Variants in SEMA3B observed in about 807,000 individuals in gnomAD.
SEMA3B encodes semaphorin-3B.
A neutral mutation model predicts 77.8 loss-of-function variants in SEMA3B; 71 were observed. The observed-to-expected ratio is 0.91, with a 90% CI of 0.75 to 1.11. The LOEUF (loss-of-function observed/expected upper bound fraction) is 1.11. Ranked by LOEUF, SEMA3B falls within the 50% of genes most tolerant of loss-of-function variation. The probability of loss-of-function intolerance (pLI) is 0.00; values close to 1 mark genes in which losing one functional copy is unlikely to be tolerated. For missense variants in SEMA3B, 968 were observed against 1,056.8 expected (o/e 0.92, Z 1.17); for synonymous variants, 470 against 452.9 (o/e 1.04, Z -0.48).
Position 50,275,713 on chromosome 3 carries a change from C to G in SEMA3B, c.1714C>G (p.Arg572Gly), listed in dbSNP as rs1309910776. The change falls in exon 16 of 17, where the codon CGT (arginine) becomes GGT (glycine). Residue 572 changes from arginine to glycine, a missense_variant. Coordinates refer to ENST00000616701, the MANE Select transcript of SEMA3B (RefSeq NM_001290060.2). This position sits in a 1 kb window ranked among gnomAD's most constrained non-coding sequence, Gnocchi z 7.5. ...PSTLCSGDSS[R>G]PALLEHKVFG... The stretch of plus-strand genomic sequence containing the variant: ...TTTCTTCTCGCCCCAAGACTCGTCT[C>G]GTCCCGCGCTGCTGGAACACAAGGT... 1 of 1,612,446 alleles carries G rather than the reference C, an allele frequency of 6.2e-7. No homozygotes were observed. The highest frequency in any genetic ancestry group is 8.5e-7 in the Non-Finnish European group (1 of 1,178,962).
Position 50,276,480 on chromosome 3 carries a change from AG to A in SEMA3B, c.2026del (p.Glu676ArgfsTer210). ...ATQAERLARA[E>X]EAAPAAPPGP... ...CAGGCCGAACGACTGGCGCGGGCCG[AG>A]GAGGCTGCGCCCGCCGCGCCGCCGG... is the stretch of plus-strand genomic sequence containing the variant. On this transcript the variant is annotated frameshift_variant, in exon 17 of 17. Transcript: ENST00000616701. LOFTEE classifies it low-confidence loss of function (END_TRUNC). The surrounding 1 kb of genome is among the most constrained non-coding windows in gnomAD (Gnocchi z 5.8). 3 of 1,531,104 alleles carry A rather than the reference AG, an allele frequency of 2.0e-6. No individual in the cohort carries two copies. The South Asian group carries it at 3.6e-5, about 18-fold the overall frequency. 94.8% of individuals were successfully genotyped at this position (1,531,104 alleles called of 1,614,324 possible).
At position 50,275,868 on chromosome 3, in the gene SEMA3B, G is replaced by C. The variant is rs587774752; in HGVS notation, c.1845+24G>C. ...AGGTGAGCCTTACTCCGCCCTCCCC[G>C]CCAGGCTCCTGTCCCACCCCCTGCA... On this transcript the variant is annotated intron_variant, in intron 16 of 16. Transcript: ENST00000616701. This position sits in a 1 kb window ranked among gnomAD's most constrained non-coding sequence, Gnocchi z 7.5. The C allele has an allele frequency of 5.3e-5, 82 of 1,559,030 alleles. No individual in the cohort carries two copies. Among genetic ancestry groups the C allele is most frequent in the Non-Finnish European group, 7.0e-5 (81 of 1,157,178 alleles).
At chr3:50,271,325 C>T (rs2109239105) in intron 5 of SEMA3B, 36 bp from the exon 6 acceptor site, 1 of 1,554,954 alleles carries the variant, frequency 6.4e-7, no homozygotes, top group Non-Finnish European at 8.7e-7. Context: ...CCCAAGAGCC[C>T]TCCATTTGCC....
Position 50,269,270 on chromosome 3 carries a change from C to T in SEMA3B, c.30C>T (p.Ile10=). The change falls in exon 1 of 17, where the codon ATC becomes ATT. Residue 10 remains isoleucine (I), a synonymous_variant. Transcript: ENST00000616701. The surrounding 1 kb of genome is among the most constrained non-coding windows in gnomAD (Gnocchi z 4.0). The part of the protein sequence containing the change: MGRAGAAAV[I]PGLALLWAVG... Reference sequence around the variant, plus strand: ...GGCGGGCCGGGGCTGCCGCCGTGATCCCGGGCCTGGCCCTGCTCTGGGCAG... The same window carrying T: ...GGCGGGCCGGGGCTGCCGCCGTGATTCCGGGCCTGGCCCTGCTCTGGGCAG... The T allele has an allele frequency of 6.5e-7, 1 of 1,537,970 alleles. No individual in the cohort carries two copies.
Position 50,270,435 on chromosome 3 carries a change from G to A in SEMA3B, c.270G>A (p.Leu90=), listed in dbSNP as rs372432819. Residue 90 remains leucine, a splice_region_variant and synonymous_variant, in exon 3 of 17, where the codon CTG becomes CTA. Coordinates refer to ENST00000616701, the MANE Select transcript of SEMA3B (RefSeq NM_001290060.2). This position sits in a 1 kb window ranked among gnomAD's most constrained non-coding sequence, Gnocchi z 4.7. ...LDNISKRAKK[L]AWPAPVEWRE... is the part of the protein sequence containing the mutation. ...CCTCTCCCCCAACCTCCCGATAGCT[G>A]GCCTGGCCGGCCCCTGTGGAATGGC... The A allele has an allele frequency of 2.5e-6, 4 of 1,613,760 alleles. No individual in the cohort carries two copies. In the South Asian group the frequency reaches 3.3e-5, roughly 13 times the overall value.
rs149189946 is a variant in SEMA3B, at chr3:50,276,893, A to T, written c.*187A>T. 6.2e-4 allele frequency: 410 copies of T among 657,168 alleles called. No individual in the cohort carries two copies. The highest frequency in any genetic ancestry group is 6.1e-3 in the African/African-American group (317 of 51,934). 40.7% of individuals were successfully genotyped at this position (657,168 alleles called of 1,614,324 possible). On this transcript the variant is annotated 3_prime_UTR_variant, in exon 17 of 17. Coordinates refer to ENST00000616701, the MANE Select transcript of SEMA3B (RefSeq NM_001290060.2). The surrounding 1 kb of genome is among the most constrained non-coding windows in gnomAD (Gnocchi z 5.8). Reference sequence around the variant, plus strand: ...TATTTATTAACAGGATAACCCTTGAATGTAGCAGCCCCGGGAGGGCGGCAC... The same window carrying T: ...TATTTATTAACAGGATAACCCTTGATTGTAGCAGCCCCGGGAGGGCGGCAC...
At position 50,273,441 on chromosome 3, in the gene SEMA3B, C is replaced by T. The variant is rs1156936023; in HGVS notation, c.808C>T (p.Arg270Trp). ...LSVSRVGQIC[R>W]NDVGGQRSLV... ...CGTGTCCCGCGTTGGCCAGATCTGC[C>T]GGGTGAGGAGTCCCTGGGCCACACC... The change falls in exon 7 of 17, where the codon CGG becomes TGG. Residue 270 changes from arginine (R) to tryptophan (W), a missense_variant and splice_region_variant. By Grantham distance (101) the Arg-to-Trp change is moderately radical. Transcript: ENST00000616701. The surrounding 1 kb of genome is among the most constrained non-coding windows in gnomAD (Gnocchi z 6.5). 3 of 1,613,164 alleles carry T rather than the reference C, an allele frequency of 1.9e-6. No individual in the cohort carries two copies. The South Asian group carries it at 3.3e-5, about 18-fold the overall frequency.
chr3:50,271,204 C>T, intron 5 of SEMA3B, 23 bp downstream of exon 5: 1 of 1,555,326 alleles, frequency 6.4e-7, no homozygotes, highest in Non-Finnish European at 8.7e-7. Context: ...GCTAAGGCCC[C>T]AAGAGAACCC....
rs1553705367 is a variant in SEMA3B at position 50,271,376 on chromosome 3, C to G, written c.560C>G (p.Ser187Ter). 6.3e-7 allele frequency: 1 copy of G among 1,582,888 alleles called. No homozygotes were observed. The highest frequency in any genetic ancestry group is 8.6e-7 in the Non-Finnish European group (1 of 1,164,564). ...CTGTCTGCAGGGGAGGAGCTATACT[C>G]AGGGGTGGCAGCAGACCTCATGGGA... Reference protein sequence around the residue: ...ASVLVGEELYSGVAADLMGRD... With the variant: ...ASVLVGEELY Residue 187 changes from serine (S) to a stop codon, truncating the protein, a stop_gained, in exon 6 of 17, where the codon TCA becomes TGA. Transcript: ENST00000616701. LOFTEE classifies it high-confidence loss of function.
rs1051921821 is a variant in SEMA3B, at chr3:50,270,870, C to G, written c.331-20C>G. On this transcript the variant is annotated intron_variant, in intron 3 of 16. Coordinates refer to ENST00000616701, the MANE Select transcript of SEMA3B (RefSeq NM_001290060.2). The surrounding 1 kb of genome is among the most constrained non-coding windows in gnomAD (Gnocchi z 4.7). ...AAGGCTACGTCCCTGGGGGAAGCCT[C>G]ACACCTCCAACCCTACTAGACTGAG... The G allele has an allele frequency of 3.2e-6, 5 of 1,582,800 alleles. No homozygotes were observed. Among genetic ancestry groups the G allele is most frequent in the Non-Finnish European group, 4.3e-6 (5 of 1,164,116 alleles).
rs782327013 is a variant in SEMA3B, at chr3:50,270,859, G to T, written c.331-31G>T. On this transcript the variant is annotated intron_variant, in intron 3 of 16. Transcript: ENST00000616701. The surrounding 1 kb of genome is among the most constrained non-coding windows in gnomAD (Gnocchi z 4.7). ...TGGGACCTCTTAAGGCTACGTCCCT[G>T]GGGGAAGCCTCACACCTCCAACCCT... 1 of 1,571,786 alleles carries T rather than the reference G, an allele frequency of 6.4e-7. No homozygotes were observed. The highest frequency in any genetic ancestry group is 1.2e-5 in the South Asian group (1 of 85,686).
intron 6 of SEMA3B, chr3:50,272,976 T>C: frequency 3.4e-6 from 1 of 295,030 alleles, no homozygotes; most frequent in South Asian, 4.2e-5. Context: ...TGAAACCAGA[T>C]TACCTCATCT....
Position 50,274,838 on chromosome 3 carries a change from T to G in SEMA3B, c.1358-5T>G, listed in dbSNP as rs880002270. 6.2e-7 allele frequency: 1 copy of G among 1,610,418 alleles called. No homozygotes were observed. Among genetic ancestry groups the G allele is most frequent in the Non-Finnish European group, 8.5e-7 (1 of 1,179,604 alleles). On this transcript the variant is annotated splice_polypyrimidine_tract_variant and splice_region_variant and intron_variant, in intron 11 of 16. Transcript: ENST00000616701. This position sits in a 1 kb window ranked among gnomAD's most constrained non-coding sequence, Gnocchi z 4.7. ...AATGGTCATTACCCCTTCTCATCCCTGCAGACGTTGGCACGGTGCTGAAGG... is the reference window on the plus strand; with the variant it reads ...AATGGTCATTACCCCTTCTCATCCCGGCAGACGTTGGCACGGTGCTGAAGG...
At position 50,277,316 on chromosome 3, in the gene SEMA3B, G is replaced by GC. The variant is rs1701290851; in HGVS notation, c.*613dup. The stretch of plus-strand genomic sequence containing the variant: ...GCCTGTAATCCCAACACTTTCGGAG[G>GC]CCCAGGCGGACGGATCACGAGGTCA... On this transcript the variant is annotated 3_prime_UTR_variant, in exon 17 of 17. Transcript: ENST00000616701. The GC allele has an allele frequency of 6.6e-6, 1 of 152,036 alleles. No homozygotes were observed. Among genetic ancestry groups the GC allele is most frequent in the South Asian group, 2.1e-4 (1 of 4,832 alleles). 9.4% of individuals were successfully genotyped at this position (152,036 alleles called of 1,614,324 possible).
chr3:50,275,592 AC>A lies in SEMA3B; in HGVS notation c.1686del (p.Ser563AlafsTer48), dbSNP rs1271914540. The A allele has an allele frequency of 1.2e-6, 2 of 1,613,338 alleles. No individual in the cohort carries two copies. Among genetic ancestry groups the A allele is most frequent in the Non-Finnish European group, 1.7e-6 (2 of 1,179,822 alleles). On this transcript the variant is annotated frameshift_variant, in exon 15 of 17. Coordinates refer to ENST00000616701, the MANE Select transcript of SEMA3B (RefSeq NM_001290060.2). LOFTEE classifies it high-confidence loss of function. This position sits in a 1 kb window ranked among gnomAD's most constrained non-coding sequence, Gnocchi z 7.5. Reference protein sequence around the residue: ...RFRRQDVRNGDPSTLCSGDSS... With the variant: ...RFRRQDVRNGXPSTLCSGDSS... ...CGGCGGCAAGACGTAAGGAATGGCGACCCCAGCACGTTGTGCTCCGGAGGTG... is the reference window on the plus strand; with the variant it reads ...CGGCGGCAAGACGTAAGGAATGGCGACCCAGCACGTTGTGCTCCGGAGGTG...
At position 50,273,958 on chromosome 3, in the gene SEMA3B, C is replaced by T. The variant is rs2109245220; in HGVS notation, c.1038C>T (p.Asp346=). The part of the protein sequence containing the change: ...GSAVCVYSMN[D]VRRAFLGPFA... ...CGGTGTGCGTGTACAGCATGAACGA[C>T]GTGCGCCGGGCCTTCTTGGGACCCT... The change falls in exon 10 of 17, where the codon GAC becomes GAT. Residue 346 remains aspartate, a synonymous_variant. Transcript: ENST00000616701. The surrounding 1 kb of genome is among the most constrained non-coding windows in gnomAD (Gnocchi z 6.5). The T allele has an allele frequency of 6.2e-7, 1 of 1,613,614 alleles. No individual in the cohort carries two copies. Among genetic ancestry groups the T allele is most frequent in the Non-Finnish European group, 8.5e-7 (1 of 1,179,634 alleles).
rs1399865955 is a variant in SEMA3B, at chr3:50,276,370, C to T, written c.1914C>T (p.Asp638=). ...TGCTGCGCAGGCTGCGGCGCCGGGA[C>T]TCGGGCGTGTACTTGTGCGCCGCCG... ...GLLLRRLRRR[D]SGVYLCAAVE... The change falls in exon 17 of 17, where the codon GAC becomes GAT. Residue 638 remains aspartate (D), a synonymous_variant. Transcript: ENST00000616701. The surrounding 1 kb of genome is among the most constrained non-coding windows in gnomAD (Gnocchi z 5.8). 3.3e-6 allele frequency: 5 copies of T among 1,535,078 alleles called. No homozygotes were observed. The highest frequency in any genetic ancestry group is 2.0e-5 in the Admixed American group (1 of 50,846).
Position 50,275,043 on chromosome 3 carries a change from C to T in SEMA3B, c.1481C>T (p.Ser494Phe), listed in dbSNP as rs1701186103. Residue 494 changes from serine (S) to phenylalanine (F), a missense_variant, in exon 13 of 17, where the codon TCT becomes TTT. Coordinates refer to ENST00000616701, the MANE Select transcript of SEMA3B (RefSeq NM_001290060.2). This position sits in a 1 kb window ranked among gnomAD's most constrained non-coding sequence, Gnocchi z 7.5. Reference sequence around the variant, plus strand: ...GCCGCTGTCACCAGCATGCAAATTTCTTCCAAGAGGGTGAGTGACCAGGAT... The same window carrying T: ...GCCGCTGTCACCAGCATGCAAATTTTTTCCAAGAGGGTGAGTGACCAGGAT... ...DSAAVTSMQI[S>F]SKRHQLYVAS... is the part of the protein sequence containing the mutation. 4 of 1,581,334 alleles carry T rather than the reference C, an allele frequency of 2.5e-6. No homozygotes were observed. The highest frequency in any genetic ancestry group is 3.4e-6 in the Non-Finnish European group (4 of 1,159,476).
At position 50,270,097 on chromosome 3, in the gene SEMA3B, G is replaced by T. The variant is rs957744850; in HGVS notation, c.110-30G>T. 7 of 1,503,808 alleles carry T rather than the reference G, an allele frequency of 4.7e-6. No individual in the cohort carries two copies. Among genetic ancestry groups the T allele is most frequent in the Middle Eastern group, 2.3e-4 (1 of 4,396 alleles). The allele number at this position is 1,503,808 out of a possible 1,614,324, so 93.2% of individuals were successfully genotyped here. ...CTGGGGGAGGCTTCCAGCATGGCTG[G>T]CGAGTCATCAGCAGTGTCCTGCCCT... On this transcript the variant is annotated intron_variant, in intron 1 of 16. Coordinates refer to ENST00000616701, the MANE Select transcript of SEMA3B (RefSeq NM_001290060.2). The surrounding 1 kb of genome is among the most constrained non-coding windows in gnomAD (Gnocchi z 4.7).
Sources: allele counts gnomAD v4.1 joint callset, GRCh38; gene constraint gnomAD v4.1.1; non-coding constraint Gnocchi (gnomAD v3.1); transcripts MANE v1.5; gene names NCBI Gene and HGNC (gene_info 2026-07-23, HGNC 2026-07-21).